The following ZMYM1 variants were observed in gnomAD, a reference collection of about 807,000 sequenced individuals.
ZMYM1 encodes zinc finger MYM-type containing 1.
A neutral mutation model predicts 60.0 loss-of-function variants in ZMYM1; 39 were observed. That is an observed-to-expected ratio of 0.65 (90% CI 0.50 to 0.85). ZMYM1 has a LOEUF of 0.85. ZMYM1 is among the 40% of genes least tolerant of loss of function. ZMYM1 has a pLI of 0.00. For synonymous variants in ZMYM1, 413 were observed against 454.0 expected (o/e 0.91, Z 1.15); for missense variants, 1,171 against 1,309.5 (o/e 0.89, Z 1.63).
At chr1:35,111,659 C>A in intron 7 of ZMYM1, 113 bp from the exon 8 acceptor site, 2 of 1,012,780 alleles carry the variant, frequency 2.0e-6, no homozygotes, top group Non-Finnish European at 2.7e-6. Flanking sequence ...CAGTACCTAC[C>A]AATTCCTTAA....
chr1:35,114,180 ATGT>A lies in ZMYM1; in HGVS notation c.2353_2355del (p.Leu785del). The A allele has an allele frequency of 6.2e-7, 1 of 1,611,364 alleles. No homozygotes were observed. Among genetic ancestry groups the A allele is most frequent in the Non-Finnish European group, 8.5e-7 (1 of 1,179,298 alleles). ...CAACACTATTTGTATGTCTGGGGAA[ATGT>A]TGGCAAATTTTCGAAACATTTATAG... On this transcript the variant is annotated inframe_deletion, in exon 10 of 10. Coordinates refer to ENST00000359858, the MANE Select transcript of ZMYM1 (RefSeq NM_024772.5).
At position 35,086,068 on chromosome 1, in the gene ZMYM1, T is replaced by C. The variant is rs560347818; in HGVS notation, c.-75+6626T>C. On this transcript the variant is annotated intron_variant, in intron 1 of 9. Coordinates refer to ENST00000359858, the MANE Select transcript of ZMYM1 (RefSeq NM_024772.5). ...TCAATGATGACAGAATTCAATTTTA[T>C]GTATTACGTTTAAACATTGTATTTG... 8.5e-5 allele frequency among the ~76,000 whole-genome samples: 13 copies of C among 152,368 alleles called. No individual in the cohort carries two copies. The East Asian group carries it at 1.3e-3, about 16-fold the overall frequency.
intron 1 of ZMYM1, among the ~76,000 whole-genome samples, chr1:35,080,765 T>C (rs780945242): frequency 6.6e-6 from 1 of 152,084 alleles, no homozygotes; most frequent in Non-Finnish European, 1.5e-5. Flanking sequence ...ATATACTTAC[T>C]GGTTGGGACA....
chr1:35,071,520 G>C (rs965160147), intron 1 of ZMYM1, among the ~76,000 whole-genome samples: 6 of 151,754 alleles, frequency 4.0e-5, no homozygotes, highest in African/African-American at 1.5e-4. Context: ...TTTTTGTAGA[G>C]ACAAAGTCTC....
chr1:35,107,709 T>TA (rs1245340312), intron 6 of ZMYM1, among the ~76,000 whole-genome samples: 4 of 152,128 alleles, frequency 2.6e-5, no homozygotes, highest in African/African-American at 9.7e-5. Context: ...TTTTTATTTT[T>TA]AAAAAGTGGA....
At chr1:35,066,662 C>G (rs542849863) in intron 1 of ZMYM1, among the ~76,000 whole-genome samples, 28 of 152,200 alleles carry the variant, frequency 1.8e-4, no homozygotes, top group African/African-American at 6.5e-4. Flanking sequence ...GATTGAAAGA[C>G]TTAATGTAGT....
chr1:35,088,347 G>A (rs1243530129), intron 1 of ZMYM1, among the ~76,000 whole-genome samples: 1 of 150,962 alleles, frequency 6.6e-6, no homozygotes, highest in Non-Finnish European at 1.5e-5. Context: ...GAACCCGGGA[G>A]GTGGAGGTTG....
intron 1 of ZMYM1, among the ~76,000 whole-genome samples, chr1:35,086,391 GCCTC>G (rs1377073368): frequency 2.0e-4 from 31 of 152,066 alleles, no homozygotes; most frequent in Admixed American, 6.6e-4. Context: ...TGCAACCTCT[GCCTC>G]CCAGGTTCAG....
intron 1 of ZMYM1, among the ~76,000 whole-genome samples, chr1:35,067,874 CA>C (rs1241912230): frequency 6.8e-6 from 1 of 147,792 alleles, no homozygotes; most frequent in Admixed American, 6.7e-5. Context: ...AAGTTCTGTC[CA>C]AAAAAAACAA....
At chr1:35,107,178 A>G (rs1367974572) in intron 6 of ZMYM1, among the ~76,000 whole-genome samples, 3 of 144,234 alleles carry the variant, frequency 2.1e-5, no homozygotes, top group Non-Finnish European at 3.0e-5. Context: ...AAAAGCCTAT[A>G]TGCCGGGCAC....
intron 2 of ZMYM1, 78 bp from the exon 3 acceptor site, chr1:35,095,741 C>T: frequency 8.1e-7 from 1 of 1,227,570 alleles, no homozygotes; most frequent in Non-Finnish European, 1.1e-6. Flanking sequence ...CACAATTTAT[C>T]ATTTTCTGTT....
chr1:35,090,072 A>G (rs1302823762), intron 1 of ZMYM1, among the ~76,000 whole-genome samples: 1 of 151,706 alleles, frequency 6.6e-6, no homozygotes, highest in Non-Finnish European at 1.5e-5. Flanking sequence ...CGCCCGGCTA[A>G]TTTTTTTGTA....
chr1:35,079,634 C>T (rs759569852), intron 1 of ZMYM1, among the ~76,000 whole-genome samples, 192 bp downstream of exon 1: 2 of 152,160 alleles, frequency 1.3e-5, no homozygotes, highest in Non-Finnish European at 1.5e-5. Flanking sequence ...ATTGTGTTTG[C>T]CGCCTCCTTT....
chr1:35,114,026 A>G lies in ZMYM1; in HGVS notation c.2196A>G (p.Glu732=). The change falls in exon 10 of 10, where the codon GAA becomes GAG. Residue 732 remains glutamate, a synonymous_variant. Transcript: ENST00000359858. ...LKIKFNKIAA[E]FKKEEPRALY... is the part of the protein sequence containing the mutation. ...TAAAATTTAATAAAATAGCAGCAGA[A>G]TTCAAGAAAGAAGAACCAAGAGCTT... is the stretch of plus-strand genomic sequence containing the variant. The G allele has an allele frequency of 1.2e-6, 2 of 1,606,132 alleles. No homozygotes were observed. The highest frequency in any genetic ancestry group is 1.7e-6 in the Non-Finnish European group (2 of 1,178,088).
At position 35,115,365 on chromosome 1, in the gene ZMYM1, C is replaced by G. The variant is rs948059587; in HGVS notation, c.*106C>G. Reference sequence around the variant, plus strand: ...GACACAGAACGATAAACAGTGAAGTCTCCTTCCCTCCTTTAGAACTCATTT... The same window carrying G: ...GACACAGAACGATAAACAGTGAAGTGTCCTTCCCTCCTTTAGAACTCATTT... On this transcript the variant is annotated 3_prime_UTR_variant, in exon 10 of 10. Coordinates refer to ENST00000359858, the MANE Select transcript of ZMYM1 (RefSeq NM_024772.5). 8.0e-5 allele frequency: 101 copies of G among 1,263,202 alleles called. No individual in the cohort carries two copies. The highest frequency in any genetic ancestry group is 1.0e-4 in the Non-Finnish European group (97 of 942,848). The allele number at this position is 1,263,202 out of a possible 1,614,324, so 78.2% of individuals were successfully genotyped here.
intron 1 of ZMYM1, among the ~76,000 whole-genome samples, chr1:35,067,289 T>C (rs1428694804): frequency 6.6e-6 from 1 of 151,924 alleles, no homozygotes; most frequent in Non-Finnish European, 1.5e-5. Context: ...TAAATATTTT[T>C]ATTTAAATAA....
chr1:35,117,905 ACT>A (rs1360792924), downstream of ZMYM1, among the ~76,000 whole-genome samples: 1 of 151,986 alleles, frequency 6.6e-6, no homozygotes, highest in Non-Finnish European at 1.5e-5. Context: ...GTGCAATTGC[ACT>A]CTAGTCTGGG....
intron 1 of ZMYM1, among the ~76,000 whole-genome samples, chr1:35,083,719 A>G (rs1470290907): frequency 6.6e-6 from 1 of 152,090 alleles, no homozygotes; most frequent in Non-Finnish European, 1.5e-5. Flanking sequence ...TCCTGGGCTC[A>G]GGTGATCCTC....
chr1:35,092,140 G>C (rs1643048462), intron 1 of ZMYM1, among the ~76,000 whole-genome samples: 1 of 152,098 alleles, frequency 6.6e-6, no homozygotes, highest in South Asian at 2.1e-4. Flanking sequence ...TGGCCAGGCT[G>C]GTCTCGAACT....
Sources: allele counts gnomAD v4.1 joint callset (sites outside exome capture counted in the v4.1 genomes callset), GRCh38; gene constraint gnomAD v4.1.1; transcripts MANE v1.5; gene names NCBI Gene and HGNC (gene_info 2026-07-23, HGNC 2026-07-21).